The following GRID2 variants were observed in gnomAD, a reference collection of about 807,000 sequenced individuals.
GRID2 encodes the protein glutamate receptor ionotropic, delta-2.
A neutral mutation model predicts 114.8 loss-of-function variants in GRID2; 33 were observed. That is an observed-to-expected ratio of 0.29 (90% CI 0.22 to 0.38). The LOEUF is 0.38. Among genes scored for constraint, GRID2 ranks in the 10% least tolerant of loss-of-function variants. The pLI is 1.00. For synonymous variants in GRID2, 505 were observed against 449.9 expected, an observed-to-expected ratio of 1.12 and a Z score of -1.55; for missense variants, 1,184 against 1,257.7, an observed-to-expected ratio of 0.94 and a Z score of 0.89.
At chr4:92,666,968 C>A (rs1210678753) in intron 2 of GRID2, among the ~76,000 whole-genome samples, 2 of 151,308 alleles carry the variant, frequency 1.3e-5, no homozygotes, top group African/African-American at 4.8e-5. Context: ...ACACACAGCC[C>A]CAATGTTAGA....
intron 1 of GRID2, among the ~76,000 whole-genome samples, chr4:92,486,547 TCACACACACACACACACACACA>T (rs72216440): frequency 7.3e-6 from 1 of 137,074 alleles, no homozygotes; most frequent in Non-Finnish European, 1.6e-5. Flanking sequence ...TCTCTCTCTT[TCACACACACACACACACACACA>T]CACACACACA....
At chr4:93,033,115 A>G (rs1469389235) in intron 2 of GRID2, among the ~76,000 whole-genome samples, 10 of 152,166 alleles carry the variant, frequency 6.6e-5, no homozygotes, top group African/African-American at 2.4e-4. Context: ...CGATAGACCT[A>G]TGCATATTAA....
intron 2 of GRID2, among the ~76,000 whole-genome samples, chr4:93,082,040 A>G (rs1405930550): frequency 6.6e-6 from 1 of 152,190 alleles, no homozygotes; most frequent in African/African-American, 2.4e-5. Context: ...GCCATGCTTC[A>G]ACCGACATTT....
chr4:92,544,715 T>A (rs1348680584), intron 1 of GRID2, among the ~76,000 whole-genome samples: 1 of 152,160 alleles, frequency 6.6e-6, no homozygotes, highest in Non-Finnish European at 1.5e-5. Flanking sequence ...TTCAGTTTTT[T>A]AATTTATCTA....
intron 2 of GRID2, among the ~76,000 whole-genome samples, chr4:92,774,017 G>A (rs1289627853): frequency 6.6e-6 from 1 of 152,094 alleles, no homozygotes; most frequent in Non-Finnish European, 1.5e-5. Context: ...ATACACAAGT[G>A]ATGGGGAGAT....
intron 14 of GRID2, among the ~76,000 whole-genome samples, chr4:93,669,610 A>G (rs944392022): frequency 6.6e-6 from 1 of 152,126 alleles, no homozygotes; most frequent in Non-Finnish European, 1.5e-5. Context: ...TAACCTCAAG[A>G]TTAGACTTTG....
intron 2 of GRID2, among the ~76,000 whole-genome samples, chr4:93,066,921 A>T (rs1237619475): frequency 6.6e-6 from 1 of 152,002 alleles, no homozygotes; most frequent in Non-Finnish European, 1.5e-5. Flanking sequence ...TATGTGGCTA[A>T]TGGGTAGGTA....
chr4:93,506,356 C>T (rs1293490465), intron 12 of GRID2, among the ~76,000 whole-genome samples: 1 of 152,156 alleles, frequency 6.6e-6, no homozygotes, highest in African/African-American at 2.4e-5. Context: ...CACAGGAGGA[C>T]CGTGTTCTGC....
intron 2 of GRID2, among the ~76,000 whole-genome samples, chr4:92,992,389 AC>A (rs1213413490): frequency 6.6e-6 from 1 of 150,950 alleles, no homozygotes; most frequent in African/African-American, 2.4e-5. Context: ...CAATTCTATG[AC>A]CCCTGGAGCC....
intron 8 of GRID2, among the ~76,000 whole-genome samples, chr4:93,304,614 C>G (rs1378245517): frequency 6.6e-6 from 1 of 152,026 alleles, no homozygotes; most frequent in Non-Finnish European, 1.5e-5. Context: ...CTTTAACACA[C>G]ACTACAAGGA....
At position 93,318,023 on chromosome 4, in the gene GRID2, T is replaced by TATATATATATATA. The variant is rs1560493013; in HGVS notation, c.1246-77583_1246-77582insTATATATATATAA. 5.6e-5 allele frequency among the ~76,000 whole-genome samples: 4 copies of TATATATATATATA among 70,822 alleles called. No homozygotes were observed. In the East Asian group the frequency reaches 9.3e-4, roughly 17 times the overall value. The allele number at this position is 70,822 out of a possible 152,430, so 46.5% of individuals were successfully genotyped here. On this transcript the variant is annotated intron_variant, in intron 8 of 15. Transcript: ENST00000282020. ...TATATATATATATATATATATATAT[T>TATATATATATATA]ACTACTTTCTTCAAGCAGTTGGTGA... is the stretch of plus-strand genomic sequence containing the variant.
chr4:93,103,150 A>G (rs748946704), intron 3 of GRID2, among the ~76,000 whole-genome samples: 1 of 152,044 alleles, frequency 6.6e-6, no homozygotes, highest in Non-Finnish European at 1.5e-5. Flanking sequence ...CAAAGGACAC[A>G]CAGGGGTGTA....
At chr4:93,443,818 T>A (rs1721846056) in intron 10 of GRID2, among the ~76,000 whole-genome samples, 1 of 151,800 alleles carries the variant, frequency 6.6e-6, no homozygotes, top group Non-Finnish European at 1.5e-5. Flanking sequence ...GCCAAGAATC[T>A]ATTCCTTGAA....
intron 4 of GRID2, among the ~76,000 whole-genome samples, chr4:93,178,244 C>T (rs1701119903): frequency 6.6e-6 from 1 of 152,004 alleles, no homozygotes; most frequent in African/African-American, 2.4e-5. Flanking sequence ...GACTCTGCCC[C>T]ATCTGTCCAG....
chr4:92,325,827 C>T (rs1290662468), intron 1 of GRID2, among the ~76,000 whole-genome samples: 1 of 151,664 alleles, frequency 6.6e-6, no homozygotes, highest in East Asian at 1.9e-4. Context: ...GTCATAATCT[C>T]TTCAATCTAT....
intron 4 of GRID2, among the ~76,000 whole-genome samples, chr4:93,170,939 G>C (rs762952007): frequency 6.6e-6 from 1 of 151,394 alleles, no homozygotes; most frequent in Admixed American, 6.6e-5. Context: ...ATGTCTGCTC[G>C]GTACTTCAGC....
intron 3 of GRID2, among the ~76,000 whole-genome samples, chr4:93,109,537 T>G (rs1054412821): frequency 6.6e-6 from 1 of 152,160 alleles, no homozygotes; most frequent in Non-Finnish European, 1.5e-5. Flanking sequence ...CTGGTTTGTA[T>G]GTTGAAAAAT....
At chr4:92,605,885 C>T (rs1022320896) in intron 2 of GRID2, among the ~76,000 whole-genome samples, 1 of 152,062 alleles carries the variant, frequency 6.6e-6, no homozygotes, top group Non-Finnish European at 1.5e-5. Context: ...CGAAGGAAAA[C>T]CTGGTATTCC....
intron 1 of GRID2, among the ~76,000 whole-genome samples, chr4:92,518,900 T>C (rs766122206): frequency 2.6e-5 from 4 of 151,822 alleles, no homozygotes; most frequent in Admixed American, 1.3e-4. Context: ...TCACAAGTGA[T>C]CAGTTTTGAA....
Sources: gnomAD v4.1 joint callset for allele counts (sites outside exome capture counted in the v4.1 genomes callset) on GRCh38, gnomAD v4.1.1 for gene constraint, MANE v1.5 for transcripts, NCBI Gene and HGNC (gene_info 2026-07-23, HGNC 2026-07-21) for gene names.